The following GSAP variants were observed in gnomAD, a reference collection of about 807,000 sequenced individuals.
The protein encoded by GSAP is gamma-secretase activating protein, also known as gamma-secretase-activating protein.
A neutral mutation model predicts 131.7 loss-of-function variants in GSAP; 118 were observed. That is an observed-to-expected ratio of 0.90 (90% CI 0.77 to 1.04). The LOEUF (loss-of-function observed/expected upper bound fraction) is 1.04. Ranked by LOEUF, GSAP falls within the 50% of genes least tolerant of loss-of-function variation. GSAP has a pLI of 0.00. For missense variants in GSAP, 1,019 were observed against 1,013.2 expected, an observed-to-expected ratio of 1.01 and a Z score of -0.08; for synonymous variants, 381 against 363.4, an observed-to-expected ratio of 1.05 and a Z score of -0.55.
chr7:77,340,091 G>T (rs935416196), intron 19 of GSAP, among the ~76,000 whole-genome samples: 2 of 152,080 alleles, frequency 1.3e-5, no homozygotes, highest in Admixed American at 1.3e-4. Flanking sequence ...ATTTGTTTCT[G>T]CCCCATCTTA....
At chr7:77,321,636 C>T (rs1787660848) in intron 24 of GSAP, among the ~76,000 whole-genome samples, 1 of 152,180 alleles carries the variant, frequency 6.6e-6, no homozygotes, top group African/African-American at 2.4e-5. Context: ...GGCAGTGCCC[C>T]AGCTCAGCCT....
chr7:77,384,382 T>TA (rs1217656918), intron 6 of GSAP, among the ~76,000 whole-genome samples: 1 of 152,208 alleles, frequency 6.6e-6, no homozygotes, highest in Non-Finnish European at 1.5e-5. Flanking sequence ...CTTTCTATTA[T>TA]AAGGTGGTCC....
chr7:77,339,671 A>AGGAGGAGAGAAACACAT (rs1554390151), intron 19 of GSAP, among the ~76,000 whole-genome samples: 2 of 148,806 alleles, frequency 1.3e-5, no homozygotes, highest in East Asian at 3.9e-4. Flanking sequence ...GGAATGTAAA[A>AGGAGGAGAGAAACACAT]GGAGGACAGA....
chr7:77,360,621 T>C (rs1001641470), intron 14 of GSAP, among the ~76,000 whole-genome samples: 4 of 152,182 alleles, frequency 2.6e-5, no homozygotes, highest in African/African-American at 9.6e-5. Flanking sequence ...CCCAACCCTT[T>C]TCAAGCCAAA....
chr7:77,414,119 C>T (rs1023529187), intron 1 of GSAP, among the ~76,000 whole-genome samples: 4 of 152,186 alleles, frequency 2.6e-5, no homozygotes, highest in East Asian at 1.9e-4. Flanking sequence ...TCATACATAT[C>T]TCATGAGAAT....
At chr7:77,316,514 C>G (rs1186968517) in intron 26 of GSAP, among the ~76,000 whole-genome samples, 1 of 152,178 alleles carries the variant, frequency 6.6e-6, no homozygotes, top group African/African-American at 2.4e-5. Flanking sequence ...TCCAAAAAAA[C>G]TCCACTATTT....
intron 5 of GSAP, 55 bp downstream of exon 5, chr7:77,396,927 C>T (rs1800492780): frequency 3.4e-6 from 3 of 876,954 alleles, no homozygotes; most frequent in South Asian, 3.3e-5. Context: ...TATAATAAAT[C>T]ATCTACCAAT....
chr7:77,415,273 G>A (rs575144607), intron 1 of GSAP, among the ~76,000 whole-genome samples: 2 of 152,276 alleles, frequency 1.3e-5, no homozygotes, highest in African/African-American at 4.8e-5. Flanking sequence ...AGCGTTTAAG[G>A]GAAAGGAGTT....
At chr7:77,360,766 T>C (rs1175668493) in intron 14 of GSAP, 58 bp downstream of exon 14, 2 of 883,218 alleles carry the variant, frequency 2.3e-6, no homozygotes, top group African/African-American at 1.7e-5. Flanking sequence ...AAGGCTGAGG[T>C]ATACCATGCC....
intron 6 of GSAP, among the ~76,000 whole-genome samples, chr7:77,383,612 A>G (rs1006589104): frequency 1.1e-4 from 17 of 152,164 alleles, no homozygotes; most frequent in African/African-American, 4.1e-4. Context: ...GCCCACCACT[A>G]TGTGTCTGTT....
intron 13 of GSAP, 56 bp downstream of exon 13, chr7:77,362,527 G>A: frequency 1.1e-6 from 1 of 906,592 alleles, no homozygotes; most frequent in Non-Finnish European, 1.8e-6. Context: ...TATCTAATTT[G>A]CTACTATTTG....
intron 14 of GSAP, 64 bp downstream of exon 14, chr7:77,360,760 C>T (rs1433016209): frequency 7.1e-6 from 6 of 849,402 alleles, no homozygotes; most frequent in Non-Finnish European, 1.2e-5. Flanking sequence ...GTATAGAAGG[C>T]TGAGGTATAC....
intron 1 of GSAP, among the ~76,000 whole-genome samples, chr7:77,412,055 C>A (rs1421234999): frequency 6.6e-6 from 1 of 152,042 alleles, no homozygotes; most frequent in Non-Finnish European, 1.5e-5. Context: ...AGCATATGCC[C>A]GTAATCCCAG....
At chr7:77,362,849 G>A (rs1794742504) in intron 12 of GSAP, among the ~76,000 whole-genome samples, 189 bp from the exon 13 acceptor site, 1 of 152,120 alleles carries the variant, frequency 6.6e-6, no homozygotes, top group Non-Finnish European at 1.5e-5. Flanking sequence ...ATTTTTTAGT[G>A]CACACTATAT....
rs1801541916 is a variant in GSAP at position 77,402,611 on chromosome 7, A to AC, written c.243+1947_243+1948insG. 1.4e-5 allele frequency among the ~76,000 whole-genome samples: 2 copies of AC among 144,476 alleles called. 1 individual carries two copies. The highest frequency in any genetic ancestry group is 3.0e-5 in the Non-Finnish European group (2 of 65,584). The allele number at this position is 144,476 out of a possible 152,430, so 94.8% of individuals were successfully genotyped here. A position where few individuals can be genotyped will look rare whatever the true frequency, so the allele number is the denominator to read the frequency against. ...TCTGTCTCAAAAAAAAAAAAAAAAAAAAAAAGAATTTTAAAGCCCATCTAG... is the reference window on the plus strand; with the variant it reads ...TCTGTCTCAAAAAAAAAAAAAAAAAACAAAAAGAATTTTAAAGCCCATCTAG... On this transcript the variant is annotated intron_variant, in intron 3 of 30. Coordinates refer to ENST00000257626, the MANE Select transcript of GSAP (RefSeq NM_017439.4).
At chr7:77,316,031 T>A (rs1273990681) in intron 26 of GSAP, 1 of 152,204 alleles carries the variant, frequency 6.6e-6, no homozygotes, top group African/African-American at 2.4e-5. Flanking sequence ...GATAGAGATT[T>A]ATTAATTTGA....
At chr7:77,407,373 C>T (rs1286581684) in intron 1 of GSAP, among the ~76,000 whole-genome samples, 2 of 152,072 alleles carry the variant, frequency 1.3e-5, no homozygotes, top group Non-Finnish European at 2.9e-5. Context: ...TAAGCAGTAT[C>T]CACTTGAGAT....
At chr7:77,359,530 C>T (rs147182629) in intron 14 of GSAP, among the ~76,000 whole-genome samples, 8 of 152,052 alleles carry the variant, frequency 5.3e-5, no homozygotes, top group African/African-American at 1.7e-4. Context: ...GGAAATTGCA[C>T]GTAATAGCAA....
At chr7:77,384,944 G>A (rs1470887298) in intron 6 of GSAP, among the ~76,000 whole-genome samples, 1 of 152,058 alleles carries the variant, frequency 6.6e-6, no homozygotes, top group East Asian at 1.9e-4. Flanking sequence ...GGACTAAGAT[G>A]GGTCCACAGA....
Sources: allele counts gnomAD v4.1 joint callset (sites outside exome capture counted in the v4.1 genomes callset), GRCh38; gene constraint gnomAD v4.1.1; transcripts MANE v1.5; gene names NCBI Gene and HGNC (gene_info 2026-07-23, HGNC 2026-07-21).